ULK1: variants seen among roughly 807,000 people sequenced by gnomAD.
The protein encoded by ULK1 is unc-51 like autophagy activating kinase 1.
A neutral mutation model predicts 117.5 loss-of-function variants in ULK1; 48 were observed. That is an observed-to-expected ratio of 0.41 (90% CI 0.32 to 0.52). The LOEUF is 0.52. Among genes scored for constraint, ULK1 ranks in the 20% least tolerant of loss-of-function variants. ULK1 has a pLI of 0.29. For synonymous variants in ULK1, 790 were observed against 637.8 expected (o/e 1.24, Z -3.60); for missense variants, 1,387 against 1,473.4 (o/e 0.94, Z 0.96).
intron 15 of ULK1, 82 bp from the exon 16 acceptor site, chr12:131,914,270 T>C (rs1889673891): frequency 1.1e-5 from 17 of 1,566,368 alleles, no homozygotes; most frequent in Non-Finnish European, 1.5e-5. Flanking sequence ...GGGCCTAGGC[T>C]TTCTTCTGGT....
In ULK1 at chr12:131,906,915, G is replaced by C; in HGVS notation, c.270G>C (p.Leu90=). 6.2e-7 allele frequency: 1 copy of C among 1,614,106 alleles called. No individual in the cohort carries two copies. The highest frequency in any genetic ancestry group is 8.5e-7 in the Non-Finnish European group (1 of 1,180,000). The change falls in exon 4 of 28, where the codon CTG becomes CTC. Residue 90 remains leucine, a synonymous_variant. Coordinates refer to ENST00000321867, the MANE Select transcript of ULK1 (RefSeq NM_003565.4). ...AGGAAATGGCTAATTCTGTCTACCT[G>C]GTTATGGAGGTGAGTGCCTTGTGGT... ...DFQEMANSVY[L]VMEYCNGGDL...
intron 3 of ULK1, among the ~76,000 whole-genome samples, chr12:131,900,899 G>C (rs762490214): frequency 6.6e-6 from 1 of 152,196 alleles, no homozygotes; most frequent in South Asian, 2.1e-4. Flanking sequence ...CTGGCCGGGG[G>C]GCTGTCTGCA....
rs1054143426 is a variant in ULK1 at position 131,902,638 on chromosome 12, G to A, written c.247-4254G>A. Among the ~76,000 whole-genome samples, 3 of 152,162 alleles carry A rather than the reference G, an allele frequency of 2.0e-5. No homozygotes were observed. Among genetic ancestry groups the A allele is most frequent in the Admixed American group, 6.5e-5 (1 of 15,286 alleles). On this transcript the variant is annotated intron_variant, in intron 3 of 27. Coordinates refer to ENST00000321867, the MANE Select transcript of ULK1 (RefSeq NM_003565.4). The surrounding 1 kb of genome is among the most constrained non-coding windows in gnomAD (Gnocchi z 6.3). Reference sequence around the variant, plus strand: ...CAGCCCTGTGGAATGGTCAGCAGCCGTTCCCTGTTTCCTCCCTTTAAATAG... The same window carrying A: ...CAGCCCTGTGGAATGGTCAGCAGCCATTCCCTGTTTCCTCCCTTTAAATAG...
chr12:131,919,799 G>C (rs1365989684), intron 25 of ULK1, 180 bp from the exon 26 acceptor site: 1 of 1,057,064 alleles, frequency 9.5e-7, no homozygotes, highest in Admixed American at 2.6e-5. Flanking sequence ...CAGAGGCCGT[G>C]GGGTCGGATG....
chr12:131,915,829 C>T, intron 18 of ULK1, 62 bp from the exon 19 acceptor site: 1 of 1,592,434 alleles, frequency 6.3e-7, no homozygotes, highest in South Asian at 1.1e-5. Flanking sequence ...CGTGTGGTAG[C>T]AGTGGGGCCT....
Position 131,914,414 on chromosome 12 carries a change from A to G in ULK1, c.1310A>G (p.Gln437Arg). 2 of 1,612,730 alleles carry G rather than the reference A, an allele frequency of 1.2e-6. No homozygotes were observed. Among genetic ancestry groups the G allele is most frequent in the Non-Finnish European group, 1.7e-6 (2 of 1,179,962 alleles). Residue 437 changes from glutamine to arginine, a missense_variant, in exon 16 of 28, where the codon CAG becomes CGG. By Grantham distance (43) the Gln-to-Arg change is conservative. Coordinates refer to ENST00000321867, the MANE Select transcript of ULK1 (RefSeq NM_003565.4). ...GASVPIPVPT[Q>R]VQNYQRIERN... ...TCTGTCCCCATCCCAGTCCCCACGC[A>G]GGTGCAGAACTACCAGCGCATTGAG...
At chr12:131,905,433 C>T (rs1889236407) in intron 3 of ULK1, among the ~76,000 whole-genome samples, 1 of 152,136 alleles carries the variant, frequency 6.6e-6, no homozygotes, top group Non-Finnish European at 1.5e-5. Context: ...GGTGTTCCTC[C>T]TGCAGACCCC....
In ULK1 at chr12:131,918,639, G is replaced by A; in HGVS notation, c.2469G>A (p.Val823=). The A allele has an allele frequency of 1.1e-5, 17 of 1,609,508 alleles. No homozygotes were observed. Among genetic ancestry groups the A allele is most frequent in the Non-Finnish European group, 1.4e-5 (17 of 1,178,494 alleles). Residue 823 remains valine, a synonymous_variant, in exon 23 of 28, where the codon GTG becomes GTA. Transcript: ENST00000321867. ...DPITANLEGA[V]TFEAPDLPEE... is the part of the protein sequence containing the mutation. ...TTACTGCGAACCTGGAGGGGGCTGT[G>A]ACCTTCGAGGCCCCCGACCTCCCTG...
chr12:131,910,836 C>T, intron 12 of ULK1, 36 bp downstream of exon 12: 2 of 1,610,510 alleles, frequency 1.2e-6, no homozygotes, highest in African/African-American at 1.3e-5. Context: ...CAGCTTCTCC[C>T]TCCACTCAGC....
rs1593265314 is a variant in ULK1, at chr12:131,908,773, C to T, written c.446C>T (p.Pro149Leu). 1.2e-6 allele frequency: 2 copies of T among 1,607,416 alleles called. No homozygotes were observed. Among genetic ancestry groups the T allele is most frequent in the Non-Finnish European group, 1.7e-6 (2 of 1,177,886 alleles). Residue 149 changes from proline (P) to leucine (L), a missense_variant, in exon 6 of 28, where the codon CCC becomes CTC. By Grantham distance (98) the Pro-to-Leu change is moderately conservative. Coordinates refer to ENST00000321867, the MANE Select transcript of ULK1 (RefSeq NM_003565.4). ...LKPQNILLSN[P>L]AGRRANPNSI... The stretch of plus-strand genomic sequence containing the variant: ...CCGCAGAACATCCTGCTGTCCAACC[C>T]CGCCGGCCGCCGCGCCAACCCCAAC...
rs754737539 is a variant in ULK1, at chr12:131,921,354, G to C, written c.3146G>C (p.Cys1049Ser). 3 of 1,604,164 alleles carry C rather than the reference G, an allele frequency of 1.9e-6. No homozygotes were observed. In the South Asian group the frequency reaches 3.3e-5, roughly 18 times the overall value. The change falls in exon 28 of 28, where the codon TGT becomes TCT. Residue 1049 changes from cysteine (C) to serine (S), a missense_variant. Cys to Ser is a moderately radical substitution (Grantham distance 112). Around this residue, in one of 4 missense-constraint regions of ULK1, gnomAD observed 900 missense variants for 858.9 expected, o/e 1.05. Coordinates refer to ENST00000321867, the MANE Select transcript of ULK1 (RefSeq NM_003565.4). ...CTCTCGGCGCTGCTGACTGGCATCT[G>C]TGCCTGACCTTTCTGGCCTGGCTGG... Reference protein sequence around the residue: ...RRLSALLTGICA With the variant: ...RRLSALLTGISA
chr12:131,901,400 A>G (rs1761871732), intron 3 of ULK1, among the ~76,000 whole-genome samples: 1 of 152,016 alleles, frequency 6.6e-6, no homozygotes, highest in Admixed American at 6.5e-5. Context: ...AATACTGGAA[A>G]GTGCAAAACA....
chr12:131,915,971 C>T lies in ULK1; in HGVS notation c.1690C>T (p.His564Tyr), dbSNP rs1322433626. The T allele has an allele frequency of 1.2e-6, 2 of 1,612,500 alleles. No homozygotes were observed. The highest frequency in any genetic ancestry group is 1.7e-6 in the Non-Finnish European group (2 of 1,179,836). Residue 564 changes from histidine to tyrosine, a missense_variant, in exon 19 of 28, where the codon CAC (histidine) becomes TAC (tyrosine). By Grantham distance (83) the His-to-Tyr change is moderately conservative. Around this residue, in one of 4 missense-constraint regions of ULK1, gnomAD observed 900 missense variants for 858.9 expected, o/e 1.05. Transcript: ENST00000321867. ...CAGCGCCCCCAACCTGTCTGACTTGCACGTCGTCCGCCCCAAGCTGCCCAA... is the reference window on the plus strand; with the variant it reads ...CAGCGCCCCCAACCTGTCTGACTTGTACGTCGTCCGCCCCAAGCTGCCCAA... Reference protein sequence around the residue: ...LHSAPNLSDLHVVRPKLPKPP... With the variant: ...LHSAPNLSDLYVVRPKLPKPP...
At chr12:131,908,284 T>TC (rs1187469293) in intron 5 of ULK1, among the ~76,000 whole-genome samples, 1 of 151,798 alleles carries the variant, frequency 6.6e-6, no homozygotes, top group Non-Finnish European at 1.5e-5. Flanking sequence ...GGGCTGCGGG[T>TC]CGGGTCGGGC....
Position 131,910,840 on chromosome 12 carries a change from A to G in ULK1, c.948+40A>G, listed in dbSNP as rs199554361. The G allele has an allele frequency of 1.0e-4, 168 of 1,608,778 alleles. No homozygotes were observed. In the East Asian group the frequency reaches 2.6e-3, roughly 25 times the overall value. On this transcript the variant is annotated intron_variant, in intron 12 of 27. Transcript: ENST00000321867. ...CAGGGGCTTGGCAGCTTCTCCCTCC[A>G]CTCAGCAGTCAGGGGCTCCAGCCCT...
At chr12:131,914,265 T>A (rs964026814) in intron 15 of ULK1, 87 bp from the exon 16 acceptor site, 2 of 1,561,228 alleles carry the variant, frequency 1.3e-6, no homozygotes, top group Admixed American at 3.5e-5. Flanking sequence ...AGTCTGGGCC[T>A]AGGCTTTCTT....
chr12:131,918,097 A>T (rs527687709), intron 22 of ULK1, among the ~76,000 whole-genome samples: 1 of 152,058 alleles, frequency 6.6e-6, no homozygotes, highest in East Asian at 1.9e-4. Flanking sequence ...AGGATGGGGG[A>T]CTGCCTTGCC....
chr12:131,908,812 A>G lies in ULK1; in HGVS notation c.485A>G (p.Lys162Arg). ...GCCAACCCCAACAGCATCCGCGTCA[A>G]GATCGGTCAGCCCGCGGGCAGGCAG... Reference protein sequence around the residue: ...RRANPNSIRVKIADFGFARYL... With the variant: ...RRANPNSIRVRIADFGFARYL... Residue 162 changes from lysine to arginine, a missense_variant, in exon 6 of 28, where the codon AAG (lysine) becomes AGG (arginine). This residue lies in a region of ULK1 where 224 missense variants were observed against 325.2 expected (regional missense o/e 0.69). Coordinates refer to ENST00000321867, the MANE Select transcript of ULK1 (RefSeq NM_003565.4). 6.2e-7 allele frequency: 1 copy of G among 1,606,042 alleles called. No individual in the cohort carries two copies. The highest frequency in any genetic ancestry group is 8.5e-7 in the Non-Finnish European group (1 of 1,176,952).
rs147541905 is a variant in ULK1, at chr12:131,920,386, A to G, written c.2961+250A>G. ...GCCTCGCCCCGACTCAGTTTCCCCAATTGTAAAATGAGAGACTTGGTCTTC... is the reference window on the plus strand; with the variant it reads ...GCCTCGCCCCGACTCAGTTTCCCCAGTTGTAAAATGAGAGACTTGGTCTTC... On this transcript the variant is annotated intron_variant, in intron 26 of 27. Transcript: ENST00000321867. 1.0e-5 allele frequency: 5 copies of G among 486,240 alleles called. 1 individual carries two copies. The highest frequency in any genetic ancestry group is 3.9e-5 in the African/African-American group (2 of 51,198). The allele number at this position is 486,240 out of a possible 1,614,324, so 30.1% of individuals were successfully genotyped here.
Sources: allele counts gnomAD v4.1 joint callset (sites outside exome capture counted in the v4.1 genomes callset), GRCh38; gene constraint gnomAD v4.1.1; regional missense constraint gnomAD v4.1.1; non-coding constraint Gnocchi (gnomAD v3.1); transcripts MANE v1.5; gene names NCBI Gene and HGNC (gene_info 2026-07-23, HGNC 2026-07-21).